The following HSPA9 variants were observed in gnomAD, a reference collection of about 807,000 sequenced individuals.
HSPA9 encodes the protein heat shock protein family A (Hsp70) member 9, also known as stress-70 protein, mitochondrial.
Under a neutral mutation model 81.5 loss-of-function variants are expected in HSPA9, and 28 were observed. That is an observed-to-expected ratio of 0.34 (90% CI 0.25 to 0.47). The LOEUF is 0.47. Among genes scored for constraint, HSPA9 ranks in the 20% least tolerant of loss-of-function variants. The probability of loss-of-function intolerance (pLI) is 1.00; values close to 1 mark genes in which losing one functional copy is unlikely to be tolerated. For synonymous variants in HSPA9, 293 were observed against 290.4 expected, an observed-to-expected ratio of 1.01 and a Z score of -0.09; for missense variants, 678 against 838.0, an observed-to-expected ratio of 0.81 and a Z score of 2.36.
chr5:138,557,323 C>G (rs1750549874), intron 14 of HSPA9, 79 bp downstream of exon 14: 9 of 951,170 alleles, frequency 9.5e-6, no homozygotes, highest in Non-Finnish European at 1.5e-5. Flanking sequence ...AGGAGTGAGA[C>G]ACTGCGCCCA....
rs533621527 is a variant in HSPA9, at chr5:138,572,467, G to C, written c.228+1296C>G. Among the ~76,000 whole-genome samples the C allele has an allele frequency of 3.9e-5, 6 of 152,290 alleles. No homozygotes were observed. The South Asian group carries it at 1.2e-3, about 32-fold the overall frequency. ...ATTGAAACAAAGTTGGGTGTGCAGAGACAGACTAGAAGTGGAGCTTCATCT... is the reference window on the plus strand; with the variant it reads ...ATTGAAACAAAGTTGGGTGTGCAGACACAGACTAGAAGTGGAGCTTCATCT... On this transcript the variant is annotated intron_variant, in intron 3 of 16. Coordinates refer to ENST00000297185, the MANE Select transcript of HSPA9 (RefSeq NM_004134.7).
In HSPA9 at chr5:138,557,805, A is replaced by T. The variant is rs116771381; in HGVS notation, c.1633+64T>A. The T allele has an allele frequency of 3.5e-3, 3,342 of 945,120 alleles. 9 individuals carry two copies. Among genetic ancestry groups the T allele is most frequent in the Non-Finnish European group, 5.0e-3 (2,872 of 570,490 alleles). The allele number at this position is 945,120 out of a possible 1,614,324, so 58.5% of individuals were successfully genotyped here. On this transcript the variant is annotated intron_variant, in intron 13 of 16. Transcript: ENST00000297185. ...GGGGCAAAGAGGACTCATCATTCTAAGAGGGTCTATTCCCAAGACCTCCCT... is the reference window on the plus strand; with the variant it reads ...GGGGCAAAGAGGACTCATCATTCTATGAGGGTCTATTCCCAAGACCTCCCT...
intron 3 of HSPA9, among the ~76,000 whole-genome samples, 170 bp from the exon 4 acceptor site, chr5:138,571,311 G>A (rs1241766290): frequency 6.6e-6 from 1 of 152,088 alleles, no homozygotes; most frequent in African/African-American, 2.4e-5. Context: ...CTCCCTAGTA[G>A]CTGGTACTAT....
At chr5:138,565,251 A>G (rs1382171862) in intron 9 of HSPA9, among the ~76,000 whole-genome samples, 3 of 152,212 alleles carry the variant, frequency 2.0e-5, no homozygotes, top group Non-Finnish European at 4.4e-5. Context: ...TGGCAGTGCC[A>G]GGTATTTCAA....
At chr5:138,574,166 T>C in intron 1 of HSPA9, 40 bp from the exon 2 acceptor site, 1 of 1,476,070 alleles carries the variant, frequency 6.8e-7, no homozygotes, top group Non-Finnish European at 9.5e-7. Flanking sequence ...AACCAGTGTG[T>C]ATCCTGGGAG....
intron 7 of HSPA9, 68 bp downstream of exon 7, chr5:138,567,387 A>G (rs1382984097): frequency 5.5e-6 from 7 of 1,262,540 alleles, no homozygotes; most frequent in Admixed American, 1.7e-5. Flanking sequence ...AAAAGGCTCA[A>G]TTACTAAAAA....
rs773787465 is a variant in HSPA9, at chr5:138,556,820, G to A, written c.1775C>T (p.Thr592Ile). The change falls in exon 15 of 17, where the codon ACA (threonine) becomes ATA (isoleucine). Residue 592 changes from threonine to isoleucine, a missense_variant. Transcript: ENST00000297185. Reference protein sequence around the residue: ...VNMAEGIIHDTETKMEEFKDQ... With the variant: ...VNMAEGIIHDIETKMEEFKDQ... ...CTTGAATTCTTCCATCTTGGTTTCT[G>A]TGTCGTGAATGATTCCTTCAGCCAT... is the stretch of plus-strand genomic sequence containing the variant. 1 of 1,613,958 alleles carries A rather than the reference G, an allele frequency of 6.2e-7. No homozygotes were observed. The highest frequency in any genetic ancestry group is 1.7e-5 in the Admixed American group (1 of 60,020).
At chr5:138,556,982 G>C (rs1379910381) in intron 14 of HSPA9, 116 bp from the exon 15 acceptor site, 2 of 792,296 alleles carry the variant, frequency 2.5e-6, no homozygotes, top group Non-Finnish European at 2.2e-6. Flanking sequence ...AATAGAGTAA[G>C]AGGGAGAAAT....
In HSPA9 at chr5:138,555,358, T is replaced by TA. The variant is rs531663622; in HGVS notation, c.*678dup. The TA allele has an allele frequency of 2.2e-3, 327 of 146,166 alleles. No individual in the cohort carries two copies. The highest frequency in any genetic ancestry group is 3.5e-3 in the Middle Eastern group (1 of 286). 9.1% of individuals were successfully genotyped at this position (146,166 alleles called of 1,614,324 possible). A position where few individuals can be genotyped will look rare whatever the true frequency, so the allele number is the denominator to read the frequency against. Reference sequence around the variant, plus strand: ...GATCAAGATGCTTTCTGTATTTATTTAAAAAAAAAAAAATTCCAGAATGGG... The same window carrying TA: ...GATCAAGATGCTTTCTGTATTTATTTAAAAAAAAAAAAAATTCCAGAATGGG... On this transcript the variant is annotated 3_prime_UTR_variant, in exon 17 of 17. Coordinates refer to ENST00000297185, the MANE Select transcript of HSPA9 (RefSeq NM_004134.7).
chr5:138,571,976 T>TTTTTTTTTTA (rs1750913232), intron 3 of HSPA9, among the ~76,000 whole-genome samples: 1 of 146,192 alleles, frequency 6.8e-6, no homozygotes. Context: ...TTTTTTTTTT[T>TTTTTTTTTTA]GAGACAGAGT....
intron 8 of HSPA9, 27 bp downstream of exon 8, chr5:138,566,974 T>A (rs1180662819): frequency 6.3e-7 from 1 of 1,585,670 alleles, no homozygotes; most frequent in South Asian, 1.1e-5. Context: ...TCCCAACGTC[T>A]ACATATTAAC....
rs370207086 is a variant in HSPA9, at chr5:138,575,311, C to G, written c.8G>C (p.Ser3Thr). 3 of 1,611,920 alleles carry G rather than the reference C, an allele frequency of 1.9e-6. No individual in the cohort carries two copies. Among genetic ancestry groups the G allele is most frequent in the Non-Finnish European group, 2.5e-6 (3 of 1,179,338 alleles). The change falls in exon 1 of 17, where the codon AGT becomes ACT. Residue 3 changes from serine (S) to threonine (T), a missense_variant. This residue lies in a region of HSPA9 where 89 missense variants were observed against 70.4 expected (regional missense o/e 1.27). Coordinates refer to ENST00000297185, the MANE Select transcript of HSPA9 (RefSeq NM_004134.7). MI[S>T]ASRAAAARLV... ...ACGGGCTGCTGCAGCTCGGCTGGCA[C>G]TTATCATGGCGGATAAATGGAGGAG...
chr5:138,569,769 G>T (rs1032710805), intron 4 of HSPA9, among the ~76,000 whole-genome samples: 3 of 152,104 alleles, frequency 2.0e-5, no homozygotes, highest in Non-Finnish European at 4.4e-5. Flanking sequence ...TGGCCTAGAT[G>T]GTCTTAAACT....
At chr5:138,556,424 GA>G in intron 16 of HSPA9, 27 bp downstream of exon 16, 1 of 1,610,394 alleles carries the variant, frequency 6.2e-7, no homozygotes, top group Non-Finnish European at 8.5e-7. Context: ...GATCAAGTTA[GA>G]ATCAAAATCC....
chr5:138,565,101 C>T (rs1040295285), intron 9 of HSPA9, among the ~76,000 whole-genome samples: 10 of 152,166 alleles, frequency 6.6e-5, no homozygotes, highest in African/African-American at 1.9e-4. Flanking sequence ...ATGCTCAATA[C>T]ATCTTGCTAT....
chr5:138,561,103 C>G (rs947422733), intron 10 of HSPA9: 1 of 489,828 alleles, frequency 2.0e-6, no homozygotes, highest in African/African-American at 1.9e-5. Flanking sequence ...TAAAATACAT[C>G]ATTGCACAAA....
Position 138,575,401 on chromosome 5 carries a change from T to C in HSPA9, c.-83A>G, listed in dbSNP as rs1165690716. The C allele has an allele frequency of 7.4e-6, 9 of 1,221,904 alleles. No homozygotes were observed. The African/African-American group carries it at 7.4e-5, about 10-fold the overall frequency. The allele number at this position is 1,221,904 out of a possible 1,614,324, so 75.7% of individuals were successfully genotyped here. A position where few individuals can be genotyped will look rare whatever the true frequency, so the allele number is the denominator to read the frequency against. On this transcript the variant is annotated 5_prime_UTR_variant, in exon 1 of 17. Coordinates refer to ENST00000297185, the MANE Select transcript of HSPA9 (RefSeq NM_004134.7). ...CGCGATGCGGTGGCGGCAGCGCTTCTGGAAACCTCCAACCACGTGGGGTGA... is the reference window on the plus strand; with the variant it reads ...CGCGATGCGGTGGCGGCAGCGCTTCCGGAAACCTCCAACCACGTGGGGTGA...
At chr5:138,567,189 A>G (rs201679270) in intron 7 of HSPA9, 26 bp from the exon 8 acceptor site, 2 of 1,416,338 alleles carry the variant, frequency 1.4e-6, no homozygotes, top group Non-Finnish European at 2.0e-6. Flanking sequence ...GAAAAAAAAA[A>G]GAAAAGAAAT....
chr5:138,556,181 A>T (rs1750516368), intron 16 of HSPA9, 67 bp from the exon 17 acceptor site: 1 of 1,332,376 alleles, frequency 7.5e-7, no homozygotes, highest in South Asian at 1.2e-5. Context: ...TCTTTGTTGC[A>T]CTCCAAGATG....
Sources: gnomAD v4.1 joint callset for allele counts (sites outside exome capture counted in the v4.1 genomes callset) on GRCh38, gnomAD v4.1.1 for gene constraint, gnomAD v4.1.1 regional missense constraint, MANE v1.5 for transcripts, NCBI Gene and HGNC (gene_info 2026-07-23, HGNC 2026-07-21) for gene names.